Variants in ORC4 observed in about 807,000 individuals in gnomAD.
ORC4 encodes origin recognition complex subunit 4.
Under a neutral mutation model 63.9 loss-of-function variants are expected in ORC4, and 55 were observed. The observed-to-expected ratio is 0.86, with a 90% CI of 0.69 to 1.08. ORC4 has a LOEUF of 1.08. ORC4 is among the 50% of genes least tolerant of loss of function. ORC4 has a pLI of 0.00. For synonymous variants in ORC4, 150 were observed against 168.5 expected, an observed-to-expected ratio of 0.89 and a Z score of 0.85; for missense variants, 511 against 504.4, an observed-to-expected ratio of 1.01 and a Z score of -0.13.
intron 1 of ORC4, among the ~76,000 whole-genome samples, chr2:148,010,288 G>A (rs1382074683): frequency 6.6e-6 from 1 of 151,448 alleles, no homozygotes; most frequent in African/African-American, 2.4e-5. Flanking sequence ...TAAAGAACTA[G>A]AAAAGCAAGA....
At chr2:148,011,405 C>CT (rs1182741108) in intron 1 of ORC4, among the ~76,000 whole-genome samples, 3 of 152,132 alleles carry the variant, frequency 2.0e-5, no homozygotes, top group African/African-American at 4.8e-5. Flanking sequence ...CCAAAAAAAT[C>CT]TTTTTTGATA....
At chr2:148,016,983 A>G (rs1447912037) in intron 1 of ORC4, among the ~76,000 whole-genome samples, 1 of 152,224 alleles carries the variant, frequency 6.6e-6, no homozygotes, top group Non-Finnish European at 1.5e-5. Context: ...AAAAATTAAG[A>G]CAAAGCAAAA....
intron 1 of ORC4, among the ~76,000 whole-genome samples, chr2:148,004,013 C>T (rs1277371274): frequency 2.6e-5 from 4 of 152,040 alleles, no homozygotes; most frequent in African/African-American, 9.7e-5. Flanking sequence ...TTCGCAATTC[C>T]TACAAAGAGA....
intron 4 of ORC4, among the ~76,000 whole-genome samples, chr2:147,971,557 A>T (rs559460089): frequency 1.3e-5 from 2 of 152,080 alleles, no homozygotes; most frequent in South Asian, 4.1e-4. Context: ...ACAATGAGAC[A>T]CCAATATATA....
At chr2:147,960,320 T>C in intron 4 of ORC4, 2 of 981,220 alleles carry the variant, frequency 2.0e-6, no homozygotes, top group Non-Finnish European at 1.2e-6. Flanking sequence ...AAATGATAAA[T>C]ATATTAGCAA....
At chr2:147,937,219 A>G (rs1479984260) in intron 13 of ORC4, among the ~76,000 whole-genome samples, 1 of 152,090 alleles carries the variant, frequency 6.6e-6, no homozygotes, top group Non-Finnish European at 1.5e-5. Flanking sequence ...CCTATAAGGG[A>G]TGCCAATGGA....
intron 1 of ORC4, among the ~76,000 whole-genome samples, chr2:148,014,298 A>T (rs926564653): frequency 3.9e-5 from 6 of 152,254 alleles, no homozygotes; most frequent in African/African-American, 1.4e-4. Context: ...CAACATCATT[A>T]GGATAAGAGG....
intron 4 of ORC4, chr2:147,960,303 T>C (rs1689515964): frequency 1.0e-6 from 1 of 984,164 alleles, no homozygotes; most frequent in Non-Finnish European, 1.2e-6. Context: ...GTTGTGTGTA[T>C]GGTCTGAAAT....
intron 4 of ORC4, among the ~76,000 whole-genome samples, chr2:147,969,638 G>A (rs2105341683): frequency 6.6e-6 from 1 of 151,586 alleles, no homozygotes; most frequent in Non-Finnish European, 1.5e-5. Context: ...GAAAAAACAT[G>A]AAAAAGATGG....
chr2:148,016,365 G>C (rs548929602), intron 1 of ORC4, among the ~76,000 whole-genome samples: 1 of 152,254 alleles, frequency 6.6e-6, no homozygotes, highest in Admixed American at 6.5e-5. Flanking sequence ...TCTGAATCCT[G>C]GAGAAACCAT....
At chr2:147,988,792 CA>C (rs5835178) in intron 1 of ORC4, among the ~76,000 whole-genome samples, 57,287 of 143,084 alleles carry the variant, frequency 0.4, 10,994 homozygotes, top group South Asian at 0.49. Context: ...AAACAAAAAG[CA>C]AAAAAAAAAA....
At chr2:147,966,535 T>C (rs1177679781) in intron 4 of ORC4, among the ~76,000 whole-genome samples, 1 of 151,852 alleles carries the variant, frequency 6.6e-6, no homozygotes, top group African/African-American at 2.4e-5. Flanking sequence ...AAACTGAATA[T>C]CACAGAAATA....
chr2:147,953,188 T>A (rs1245520583), intron 7 of ORC4, among the ~76,000 whole-genome samples: 4 of 141,886 alleles, frequency 2.8e-5, no homozygotes, highest in Admixed American at 2.8e-4. Context: ...AAAAAAAAAA[T>A]TAGCTACTTG....
chr2:148,003,886 G>A (rs1692461420), intron 1 of ORC4, among the ~76,000 whole-genome samples: 1 of 152,094 alleles, frequency 6.6e-6, no homozygotes, highest in South Asian at 2.1e-4. Flanking sequence ...AAATCTCCTT[G>A]AGCTGATAAG....
chr2:147,987,820 G>A (rs749430821), intron 1 of ORC4, among the ~76,000 whole-genome samples: 7 of 152,002 alleles, frequency 4.6e-5, no homozygotes, highest in Admixed American at 1.3e-4. Flanking sequence ...TTGGGAGGCC[G>A]AGGCGGGCAG....
chr2:147,973,826 G>A (rs539293882), intron 2 of ORC4, among the ~76,000 whole-genome samples: 32 of 152,296 alleles, frequency 2.1e-4, no homozygotes, highest in African/African-American at 7.2e-4. Flanking sequence ...ATGTGAACGA[G>A]TTAAGAAAAG....
chr2:147,950,457 G>A (rs1408125791), intron 8 of ORC4, among the ~76,000 whole-genome samples: 1 of 152,092 alleles, frequency 6.6e-6, no homozygotes, highest in Non-Finnish European at 1.5e-5. Flanking sequence ...CCCTATAAAC[G>A]TGGATACACA....
chr2:147,985,541 G>A (rs1691152457), intron 1 of ORC4, among the ~76,000 whole-genome samples: 2 of 152,152 alleles, frequency 1.3e-5, no homozygotes, highest in African/African-American at 4.8e-5. Context: ...GAAAATAGCT[G>A]ACACTAACAA....
chr2:148,005,346 G>A (rs1454299858), intron 1 of ORC4, among the ~76,000 whole-genome samples: 2 of 151,890 alleles, frequency 1.3e-5, no homozygotes, highest in Non-Finnish European at 2.9e-5. Flanking sequence ...AGTGGGAGCT[G>A]AACAATGAGA....
Sources: gnomAD v4.1 joint callset for allele counts (sites outside exome capture counted in the v4.1 genomes callset) on GRCh38, gnomAD v4.1.1 for gene constraint, MANE v1.5 for transcripts, NCBI Gene and HGNC (gene_info 2026-07-23, HGNC 2026-07-21) for gene names.